NDUFA8: variants seen among roughly 807,000 people sequenced by gnomAD.
The protein encoded by NDUFA8 is NADH:ubiquinone oxidoreductase subunit A8, also known as NADH dehydrogenase [ubiquinone] 1 alpha subcomplex subunit 8.
A neutral mutation model predicts 20.9 loss-of-function variants in NDUFA8; 16 were observed. That is an observed-to-expected ratio of 0.77 (90% CI 0.52 to 1.16). The LOEUF is 1.16. Among genes scored for constraint, NDUFA8 ranks in the 50% most tolerant of loss-of-function variants. NDUFA8 has a pLI of 0.00. For missense variants in NDUFA8, 202 were observed against 216.4 expected, an observed-to-expected ratio of 0.93 and a Z score of 0.42; for synonymous variants, 70 against 76.1, an observed-to-expected ratio of 0.92 and a Z score of 0.41.
At chr9:122,148,578 C>G (rs144063479) in intron 2 of NDUFA8, among the ~76,000 whole-genome samples, 218 of 152,218 alleles carry the variant, frequency 1.4e-3, no homozygotes, top group African/African-American at 5.1e-3. Flanking sequence ...CCTATTTATT[C>G]TTTTCTTTAG....
At chr9:122,154,970 C>G (rs1164497235) in intron 1 of NDUFA8, among the ~76,000 whole-genome samples, 5 of 152,162 alleles carry the variant, frequency 3.3e-5, no homozygotes, top group Non-Finnish European at 7.4e-5. Context: ...CAATGTATTT[C>G]TAGAATAAAA....
Position 122,148,120 on chromosome 9 carries a change from G to A in NDUFA8, c.373C>T (p.Leu125=), listed in dbSNP as rs1828933008. The change falls in exon 3 of 4, where the codon CTG becomes TTG. Residue 125 remains leucine (L), a synonymous_variant. Coordinates refer to ENST00000373768, the MANE Select transcript of NDUFA8 (RefSeq NM_014222.3). ...LGWVRPDLGE[L]SKVTKVKTDR... is the part of the protein sequence containing the mutation. ...AGCAGAAGCCTTTTTACCTTTGACA[G>A]TTCTCCCAGGTCAGGCCGCACCCAG... The A allele has an allele frequency of 6.2e-7, 1 of 1,613,980 alleles. No homozygotes were observed. The highest frequency in any genetic ancestry group is 1.7e-5 in the Admixed American group (1 of 59,998).
chr9:122,148,903 T>C (rs1828947493), intron 2 of NDUFA8, among the ~76,000 whole-genome samples: 1 of 152,226 alleles, frequency 6.6e-6, no homozygotes, highest in African/African-American at 2.4e-5. Context: ...CAGGGTAGCA[T>C]ATAATTCATT....
At chr9:122,149,509 A>G (rs1234316078) in intron 2 of NDUFA8, among the ~76,000 whole-genome samples, 5 of 152,218 alleles carry the variant, frequency 3.3e-5, no homozygotes, top group Non-Finnish European at 5.9e-5. Context: ...CATACCTAAC[A>G]ATTATCTACT....
the NDUFA8 span, among the ~76,000 whole-genome samples, chr9:122,135,412 T>A: frequency 6.6e-6 from 1 of 152,136 alleles, no homozygotes; most frequent in Non-Finnish European, 1.5e-5. Flanking sequence ...CCAGACAGAG[T>A]GGCTTTTTGG....
chr9:122,149,708 A>G (rs1006762334), intron 2 of NDUFA8, among the ~76,000 whole-genome samples: 4 of 152,242 alleles, frequency 2.6e-5, no homozygotes, highest in African/African-American at 9.6e-5. Flanking sequence ...CTGTAATCCC[A>G]GCACCTTGGG....
Position 122,152,223 on chromosome 9 carries a change from C to T in NDUFA8, c.215+22G>A, listed in dbSNP as rs78601887. On this transcript the variant is annotated intron_variant, in intron 2 of 3. Coordinates refer to ENST00000373768, the MANE Select transcript of NDUFA8 (RefSeq NM_014222.3). ...AACCTTTATGCTTCAACCAAGTAGG[C>T]ACTGATACCAAAGATTTTTACCTAA... The T allele has an allele frequency of 1.2e-4, 188 of 1,614,036 alleles. 1 individual carries two copies. The African/African-American group carries it at 2.1e-3, about 18-fold the overall frequency.
At chr9:122,134,806 C>T in the NDUFA8 span, among the ~76,000 whole-genome samples, 1 of 152,214 alleles carries the variant, frequency 6.6e-6, no homozygotes, top group Non-Finnish European at 1.5e-5. Flanking sequence ...CTCACAATTC[C>T]GACACTCCAT....
chr9:122,144,663 C>T (rs143168908), intron 3 of NDUFA8, among the ~76,000 whole-genome samples: 29 of 152,256 alleles, frequency 1.9e-4, no homozygotes, highest in Middle Eastern at 3.4e-3. Context: ...GGAATAACAA[C>T]CAAGATTTCC....
At chr9:122,153,769 T>A (rs1829038817) in intron 1 of NDUFA8, among the ~76,000 whole-genome samples, 1 of 152,248 alleles carries the variant, frequency 6.6e-6, no homozygotes, top group Non-Finnish European at 1.5e-5. Flanking sequence ...TTCTTTCAGA[T>A]GAACACCTTC....
intron 2 of NDUFA8, among the ~76,000 whole-genome samples, chr9:122,148,702 C>T (rs1828944735): frequency 1.3e-5 from 2 of 151,978 alleles, no homozygotes; most frequent in African/African-American, 2.4e-5. Flanking sequence ...AAGGAAGAGA[C>T]AGAATTATAA....
intron 1 of NDUFA8, among the ~76,000 whole-genome samples, chr9:122,158,651 T>TTG (rs372354228): frequency 6.9e-4 from 104 of 150,030 alleles, no homozygotes; most frequent in Middle Eastern, 7.0e-3. Context: ...CTACGACCAA[T>TTG]TGTGTGTGTG....
chr9:122,157,676 G>A (rs113288052), intron 1 of NDUFA8, among the ~76,000 whole-genome samples: 4 of 133,214 alleles, frequency 3.0e-5, no homozygotes, highest in African/African-American at 6.8e-5. Flanking sequence ...GGGGCAGGGG[G>A]GTGGTTCGCC....
At chr9:122,141,496 A>G (rs1415226982), downstream of NDUFA8, among the ~76,000 whole-genome samples, 1 of 152,244 alleles carries the variant, frequency 6.6e-6, no homozygotes, top group African/African-American at 2.4e-5. Flanking sequence ...AACTTGGAGT[A>G]AACCGAAGAG....
At chr9:122,134,896 A>G in the NDUFA8 span, among the ~76,000 whole-genome samples, 1 of 152,180 alleles carries the variant, frequency 6.6e-6, no homozygotes, top group African/African-American at 2.4e-5. Context: ...CCGGCACGAG[A>G]GGGCGACTGC....
chr9:122,157,091 T>G (rs1194762327), intron 1 of NDUFA8, among the ~76,000 whole-genome samples: 1 of 152,234 alleles, frequency 6.6e-6, no homozygotes, highest in Non-Finnish European at 1.5e-5. Flanking sequence ...CTTTCCACCC[T>G]TCTCACCACA....
chr9:122,142,764 C>T (rs1387639657), downstream of NDUFA8, among the ~76,000 whole-genome samples: 2 of 152,022 alleles, frequency 1.3e-5, no homozygotes. Context: ...TATGCAAGGC[C>T]CAGCTTCCTT....
downstream of NDUFA8, among the ~76,000 whole-genome samples, chr9:122,139,092 T>C (rs1828784246): frequency 6.6e-6 from 1 of 152,156 alleles, no homozygotes; most frequent in Admixed American, 6.5e-5. Context: ...GGAAGTATTA[T>C]AGATAGGCTG....
intron 1 of NDUFA8, 45 bp downstream of exon 1, chr9:122,159,582 G>A (rs758374232): frequency 5.0e-6 from 8 of 1,611,980 alleles, no homozygotes; most frequent in Non-Finnish European, 6.8e-6. Context: ...GGCCCGAGAA[G>A]CCGCAGCCCC....
Sources: allele counts gnomAD v4.1 joint callset (sites outside exome capture counted in the v4.1 genomes callset), GRCh38; gene constraint gnomAD v4.1.1; transcripts MANE v1.5; gene names NCBI Gene and HGNC (gene_info 2026-07-23, HGNC 2026-07-21).